Variants in TDRD12 observed in about 807,000 individuals in gnomAD.
The protein encoded by TDRD12 is putative ATP-dependent RNA helicase TDRD12.
Under a neutral mutation model 133.5 loss-of-function variants are expected in TDRD12, and 158 were observed. That is an observed-to-expected ratio of 1.18 (90% CI 1.04 to 1.35). The LOEUF is 1.35. Among genes scored for constraint, TDRD12 ranks in the 40% most tolerant of loss-of-function variants. The pLI is 0.00. For missense variants in TDRD12, 1,443 were observed against 1,321.3 expected, an observed-to-expected ratio of 1.09 and a Z score of -1.43; for synonymous variants, 460 against 477.9, an observed-to-expected ratio of 0.96 and a Z score of 0.49.
chr19:32,800,399 G>GTGTA (rs1971353886), intron 17 of TDRD12, 41 bp downstream of exon 17: 1 of 1,376,276 alleles, frequency 7.3e-7, no homozygotes, highest in East Asian at 2.5e-5. Context: ...GTGTGTGTGT[G>GTGTA]TGTATGTGTT....
intron 2 of TDRD12, among the ~76,000 whole-genome samples, chr19:32,734,361 T>C (rs1443772112): frequency 6.6e-6 from 1 of 151,414 alleles, no homozygotes; most frequent in Non-Finnish European, 1.5e-5. Flanking sequence ...TCCTCCTCCT[T>C]TTCTTTTCTT....
At chr19:32,797,675 A>G (rs762754381) in intron 14 of TDRD12, 60 bp from the exon 15 acceptor site, 8 of 586,024 alleles carry the variant, frequency 1.4e-5, no homozygotes, top group Non-Finnish European at 2.4e-5. Flanking sequence ...TTGATGTTTC[A>G]TATGGATGCT....
intron 8 of TDRD12, among the ~76,000 whole-genome samples, chr19:32,764,007 C>T (rs147601392): frequency 2.8e-4 from 42 of 151,486 alleles, no homozygotes; most frequent in African/African-American, 7.8e-4. Flanking sequence ...TTTACATGCT[C>T]GACTGGAAAC....
At chr19:32,751,113 AC>A (rs571102027) in intron 6 of TDRD12, among the ~76,000 whole-genome samples, 2 of 61,454 alleles carry the variant, frequency 3.3e-5, no homozygotes, top group African/African-American at 1.2e-4. Flanking sequence ...CCCCCTCCCC[AC>A]CCCCCGACAG....
At chr19:32,804,460 G>A (rs574084873) in intron 21 of TDRD12, among the ~76,000 whole-genome samples, 2 of 151,114 alleles carry the variant, frequency 1.3e-5, no homozygotes, top group Non-Finnish European at 3.0e-5. Context: ...TCGGGAGGCC[G>A]AGGCAGGCAG....
chr19:32,800,401 GTA>G (rs1568485902), intron 17 of TDRD12, 43 bp downstream of exon 17: 6 of 1,307,566 alleles, frequency 4.6e-6, no homozygotes, highest in Admixed American at 5.9e-5. Context: ...GTGTGTGTGT[GTA>G]TGTGTTGGTG....
chr19:32,742,799 A>G, exon 4 of TDRD12: 6 of 1,551,760 alleles, frequency 3.9e-6, no homozygotes, highest in Non-Finnish European at 5.2e-6. Flanking sequence ...TTGTAGTAGA[A>G]TCGTTTATGC....
At chr19:32,732,760 C>T (rs1000966257) in intron 2 of TDRD12, among the ~76,000 whole-genome samples, 3 of 152,218 alleles carry the variant, frequency 2.0e-5, no homozygotes, top group African/African-American at 4.8e-5. Flanking sequence ...CCCAAATCAT[C>T]ATTAATAACA....
intron 1 of TDRD12, 139 bp downstream of exon 1, chr19:32,720,235 C>T (rs1356574214): frequency 7.4e-6 from 6 of 814,534 alleles, no homozygotes; most frequent in Admixed American, 2.3e-5. Flanking sequence ...CTCCCACCCC[C>T]GACCCCAACC....
At chr19:32,730,551 A>G (rs539082273) in intron 1 of TDRD12, among the ~76,000 whole-genome samples, 2 of 152,200 alleles carry the variant, frequency 1.3e-5, no homozygotes, top group African/African-American at 4.8e-5. Flanking sequence ...CAGAATAACT[A>G]CTGTTCTTTT....
At chr19:32,732,972 G>T (rs1384718667) in intron 2 of TDRD12, among the ~76,000 whole-genome samples, 1 of 151,916 alleles carries the variant, frequency 6.6e-6, no homozygotes, top group Non-Finnish European at 1.5e-5. Flanking sequence ...TAGGAGTTTT[G>T]TGAACAGCCT....
At chr19:32,814,101 T>G (rs1323411043) in intron 25 of TDRD12, among the ~76,000 whole-genome samples, 1 of 152,226 alleles carries the variant, frequency 6.6e-6, no homozygotes, top group Non-Finnish European at 1.5e-5. Context: ...TCTAACTTTC[T>G]CATTCACCAC....
chr19:32,756,313 A>G (rs1041807767), intron 7 of TDRD12, 132 bp downstream of exon 7: 2 of 778,040 alleles, frequency 2.6e-6, no homozygotes, highest in African/African-American at 3.7e-5. Flanking sequence ...TTTAATCCTG[A>G]TGAGGCTGTG....
intron 11 of TDRD12, among the ~76,000 whole-genome samples, chr19:32,782,628 G>A (rs768257083): frequency 5.9e-5 from 9 of 152,204 alleles, no homozygotes; most frequent in Non-Finnish European, 1.2e-4. Flanking sequence ...TCCAGCGTCT[G>A]TTGTTTCCTG....
chr19:32,800,643 GGTA>G (rs1971360277), exon 18 of TDRD12: 1 of 1,533,746 alleles, frequency 6.5e-7, no homozygotes, highest in Non-Finnish European at 8.7e-7. Context: ...TTCATTACCA[GGTA>G]GTACATCTTT....
intron 22 of TDRD12, among the ~76,000 whole-genome samples, 161 bp downstream of exon 22, chr19:32,807,809 C>T (rs1266623705): frequency 6.6e-6 from 1 of 152,204 alleles, no homozygotes; most frequent in Non-Finnish European, 1.5e-5. Flanking sequence ...CCTTACAAGG[C>T]GCCTTATTTC....
chr19:32,811,111 T>C (rs944866462), intron 23 of TDRD12, 99 bp from the exon 24 acceptor site: 27 of 940,610 alleles, frequency 2.9e-5, no homozygotes, highest in Non-Finnish European at 4.1e-5. Context: ...TCATGGCGTT[T>C]TGGAGTCTTT....
At chr19:32,810,173 C>A (rs1599617226) in exon 23 of TDRD12, 1 of 1,535,582 alleles carries the variant, frequency 6.5e-7, no homozygotes, top group Non-Finnish European at 8.7e-7. Context: ...ATGCAACTCT[C>A]AATGCTGAAA....
downstream of TDRD12, among the ~76,000 whole-genome samples, chr19:32,823,245 A>T: frequency 6.6e-6 from 1 of 152,186 alleles, no homozygotes; most frequent in East Asian, 1.9e-4. Context: ...AGAGTGTGGG[A>T]GGAGGAGCCG....
Sources: allele counts gnomAD v4.1 joint callset (sites outside exome capture counted in the v4.1 genomes callset), GRCh38; gene constraint gnomAD v4.1.1; transcripts MANE v1.5; gene names NCBI Gene and HGNC (gene_info 2026-07-23, HGNC 2026-07-21).